Variants in PRR5L observed in about 807,000 individuals in gnomAD.
PRR5L encodes the protein proline-rich protein 5-like.
Under a neutral mutation model 36.4 loss-of-function variants are expected in PRR5L, and 21 were observed. The observed-to-expected ratio is 0.58, with a 90% CI of 0.41 to 0.83. The LOEUF is 0.83. PRR5L is among the 40% of genes least tolerant of loss of function. The pLI, the probability that PRR5L is intolerant of heterozygous loss-of-function variation, is 0.00. For synonymous variants in PRR5L, 188 were observed against 197.0 expected (o/e 0.95, Z 0.38); for missense variants, 381 against 473.3 (o/e 0.80, Z 1.81).
rs572752496 is a variant in PRR5L at position 36,331,974 on chromosome 11, T to C, written c.-126+35536T>C. Among the ~76,000 whole-genome samples the C allele has an allele frequency of 1.1e-4, 17 of 152,262 alleles. No homozygotes were observed. The South Asian group carries it at 3.3e-3, about 30-fold the overall frequency. On this transcript the variant is annotated intron_variant, in intron 1 of 8. Coordinates refer to ENST00000530639, the MANE Select transcript of PRR5L (RefSeq NM_001160167.2). Reference sequence around the variant, plus strand: ...TGACGTTGGATAGGTTACTTAACCTTTCCGGGTCTTAGTTTCTTTACCTGT... The same window carrying C: ...TGACGTTGGATAGGTTACTTAACCTCTCCGGGTCTTAGTTTCTTTACCTGT...
At chr11:36,417,104 C>T (rs957494587) in intron 3 of PRR5L, among the ~76,000 whole-genome samples, 6 of 152,166 alleles carry the variant, frequency 3.9e-5, no homozygotes, top group Admixed American at 3.3e-4. Context: ...TTCCTTGGGA[C>T]ACCAATTCCA....
intron 1 of PRR5L, among the ~76,000 whole-genome samples, chr11:36,372,578 T>C (rs573328706): frequency 6.6e-5 from 10 of 152,280 alleles, no homozygotes; most frequent in African/African-American, 2.4e-4. Flanking sequence ...TGTGTCCGCA[T>C]CCCTTGCAAG....
At position 36,408,608 on chromosome 11, in the gene PRR5L, A is replaced by G. The variant is rs921341904; in HGVS notation, c.245+5230A>G. ...ATGGGGTGTTAGTGCGGTTTTTAAC[A>G]CCCCTCTCCAGCCTCACCCCTGATG... is the stretch of plus-strand genomic sequence containing the variant. On this transcript the variant is annotated intron_variant, in intron 3 of 8. Transcript: ENST00000530639. 3.9e-5 allele frequency among the ~76,000 whole-genome samples: 6 copies of G among 151,984 alleles called. No homozygotes were observed. The East Asian group carries it at 7.8e-4, about 20-fold the overall frequency.
intron 1 of PRR5L, among the ~76,000 whole-genome samples, chr11:36,310,867 T>G (rs138881095): frequency 2.6e-5 from 4 of 151,598 alleles, no homozygotes; most frequent in African/African-American, 7.3e-5. Flanking sequence ...CATGGTGGCG[T>G]GTGCCTGTAA....
At chr11:36,421,777 T>C (rs1858270770) in intron 4 of PRR5L, among the ~76,000 whole-genome samples, 1 of 134,188 alleles carries the variant, frequency 7.5e-6, no homozygotes, top group Admixed American at 7.5e-5. Context: ...CTCTCCTCTT[T>C]TATTTTCCTT....
chr11:36,362,418 A>AC (rs1857099569), intron 1 of PRR5L, among the ~76,000 whole-genome samples: 1 of 79,606 alleles, frequency 1.3e-5, no homozygotes, highest in East Asian at 4.2e-4. Context: ...TTCACACATC[A>AC]CCCTTGGCGG....
intron 3 of PRR5L, among the ~76,000 whole-genome samples, chr11:36,413,410 C>G (rs60892952): frequency 0.13 from 19,611 of 152,130 alleles, 1,365 homozygotes; most frequent in African/African-American, 0.17. Flanking sequence ...GGCTTCTGGC[C>G]ATGCTGCGGT....
intron 3 of PRR5L, among the ~76,000 whole-genome samples, chr11:36,413,764 A>T (rs1858079148): frequency 6.7e-6 from 1 of 149,374 alleles, no homozygotes; most frequent in African/African-American, 2.5e-5. Context: ...CACAATGTGC[A>T]GGTTAGTTAC....
intron 8 of PRR5L, among the ~76,000 whole-genome samples, chr11:36,457,616 A>G (rs1859090458): frequency 6.6e-6 from 1 of 152,042 alleles, no homozygotes; most frequent in South Asian, 2.1e-4. Context: ...AAAAAAAAAA[A>G]AAACAAAACA....
At chr11:36,371,037 G>A (rs1034439243) in intron 1 of PRR5L, among the ~76,000 whole-genome samples, 14 of 152,044 alleles carry the variant, frequency 9.2e-5, no homozygotes, top group African/African-American at 2.9e-4. Flanking sequence ...TTCACTACGA[G>A]CCACTTTAGA....
intron 1 of PRR5L, among the ~76,000 whole-genome samples, chr11:36,386,938 T>G (rs1252475772): frequency 6.6e-6 from 1 of 152,222 alleles, no homozygotes; most frequent in African/African-American, 2.4e-5. Context: ...TGACAATTGA[T>G]TTGACCAAAT....
chr11:36,322,919 A>G (rs772193959), intron 1 of PRR5L, among the ~76,000 whole-genome samples: 1 of 152,226 alleles, frequency 6.6e-6, no homozygotes, highest in Non-Finnish European at 1.5e-5. Flanking sequence ...AGTGATCATT[A>G]AGGCAAGTGG....
Position 36,446,398 on chromosome 11 carries a change from C to T in PRR5L, c.543C>T (p.Ser181=). ...KLGDLLLLAQ[S]KLPSSIVQML... ...GTGACCTGCTGCTGCTGGCCCAGTC[C>T]AAGCTGCCCTCGTCCATTGTCCAGA... is the stretch of plus-strand genomic sequence containing the variant. Residue 181 remains serine, a synonymous_variant, in exon 7 of 9, where the codon TCC becomes TCT. Coordinates refer to ENST00000530639, the MANE Select transcript of PRR5L (RefSeq NM_001160167.2). The T allele has an allele frequency of 6.2e-7, 1 of 1,614,162 alleles. No individual in the cohort carries two copies. The highest frequency in any genetic ancestry group is 8.5e-7 in the Non-Finnish European group (1 of 1,180,046).
chr11:36,303,176 C>T (rs148366415), intron 1 of PRR5L, among the ~76,000 whole-genome samples: 8 of 152,320 alleles, frequency 5.3e-5, no homozygotes, highest in Admixed American at 1.3e-4. Context: ...CACATCCAGA[C>T]TCAAGGTGAT....
intron 1 of PRR5L, among the ~76,000 whole-genome samples, chr11:36,382,153 G>A (rs908777303): frequency 6.6e-5 from 10 of 152,032 alleles, no homozygotes; most frequent in East Asian, 3.9e-4. Context: ...GTGAGACTCC[G>A]TCTCAAACAA....
At chr11:36,416,254 A>G (rs1000264191) in intron 3 of PRR5L, among the ~76,000 whole-genome samples, 7 of 152,198 alleles carry the variant, frequency 4.6e-5, no homozygotes, top group African/African-American at 1.7e-4. Flanking sequence ...AGGATTTTGT[A>G]AGGGATAAGG....
chr11:36,357,268 G>A (rs562013628), intron 1 of PRR5L, among the ~76,000 whole-genome samples: 1 of 152,296 alleles, frequency 6.6e-6, no homozygotes, highest in Non-Finnish European at 1.5e-5. Context: ...TGGTTCATGA[G>A]GTTTAAGGAA....
At chr11:36,395,477 T>A (rs1011495899) in intron 1 of PRR5L, among the ~76,000 whole-genome samples, 13 of 152,226 alleles carry the variant, frequency 8.5e-5, no homozygotes, top group Non-Finnish European at 5.9e-5. Flanking sequence ...GGCTAGTGGC[T>A]ACCATATTGG....
chr11:36,412,151 G>A (rs561342284), intron 3 of PRR5L, among the ~76,000 whole-genome samples: 1 of 152,248 alleles, frequency 6.6e-6, no homozygotes, highest in African/African-American at 2.4e-5. Context: ...GTGGCTGCCA[G>A]GATGCAGAGC....
Sources: gnomAD v4.1 joint callset for allele counts (sites outside exome capture counted in the v4.1 genomes callset) on GRCh38, gnomAD v4.1.1 for gene constraint, MANE v1.5 for transcripts, NCBI Gene and HGNC (gene_info 2026-07-23, HGNC 2026-07-21) for gene names.